NECAB1: variants seen among roughly 807,000 people sequenced by gnomAD.
The protein encoded by NECAB1 is N-terminal EF-hand calcium binding protein 1.
Under a neutral mutation model 57.5 loss-of-function variants are expected in NECAB1, and 29 were observed. The ratio of observed to expected loss-of-function variants is 0.50; its 90% CI spans 0.38 to 0.69. The LOEUF is 0.69. Among genes scored for constraint, NECAB1 ranks in the 30% least tolerant of loss-of-function variants. NECAB1 has a pLI of 0.00. For missense variants in NECAB1, 372 were observed against 413.8 expected (o/e 0.90, Z 0.88); for synonymous variants, 142 against 147.7 (o/e 0.96, Z 0.28).
chr8:90,893,503 A>G (rs577020540), intron 5 of NECAB1, among the ~76,000 whole-genome samples: 1 of 152,276 alleles, frequency 6.6e-6, no homozygotes, highest in South Asian at 2.1e-4. Context: ...GGCGACCACA[A>G]TCCAATTCTG....
At chr8:90,944,289 A>C (rs944755915) in intron 10 of NECAB1, among the ~76,000 whole-genome samples, 13 of 152,334 alleles carry the variant, frequency 8.5e-5, no homozygotes, top group Non-Finnish European at 1.8e-4. Flanking sequence ...TCTTAAATTC[A>C]GGCCACTGAA....
At chr8:90,903,345 T>C (rs1809554315) in intron 5 of NECAB1, among the ~76,000 whole-genome samples, 1 of 152,170 alleles carries the variant, frequency 6.6e-6, no homozygotes, top group South Asian at 2.1e-4. Flanking sequence ...AAGTTATTTA[T>C]ATTTTTAATT....
rs112635954 is a variant in NECAB1, at chr8:90,911,326, T to G, written c.358-6166T>G. ...TTTGGAAAGATTCTAGAAAACAAGA[T>G]GTTCTATAGGAGGATATGGCTCATA... is the stretch of plus-strand genomic sequence containing the variant. On this transcript the variant is annotated intron_variant, in intron 5 of 12. Transcript: ENST00000417640. 9.1e-3 allele frequency among the ~76,000 whole-genome samples: 1,385 copies of G among 152,166 alleles called. 20 individuals carry two copies. The highest frequency in any genetic ancestry group is 0.031 in the African/African-American group (1,298 of 41,526).
At chr8:90,829,184 G>T (rs959470165) in intron 3 of NECAB1, among the ~76,000 whole-genome samples, 2 of 151,998 alleles carry the variant, frequency 1.3e-5, no homozygotes. Context: ...AAATTTGTTT[G>T]TAAAAGAAAC....
At chr8:90,897,705 G>A (rs1809391903) in intron 5 of NECAB1, among the ~76,000 whole-genome samples, 1 of 152,176 alleles carries the variant, frequency 6.6e-6, no homozygotes, top group Admixed American at 6.5e-5. Context: ...AATATGCATA[G>A]ACAAGTGAAA....
At chr8:90,811,751 A>T (rs1402382208) in intron 2 of NECAB1, among the ~76,000 whole-genome samples, 1 of 152,126 alleles carries the variant, frequency 6.6e-6, no homozygotes, top group Non-Finnish European at 1.5e-5. Context: ...AGGCTTTCTT[A>T]TCAAGGTGGT....
In NECAB1 at chr8:90,792,001, G is replaced by T; in HGVS notation, c.99+16G>T. The T allele has an allele frequency of 6.5e-7, 1 of 1,548,010 alleles. No homozygotes were observed. Among genetic ancestry groups the T allele is most frequent in the Non-Finnish European group, 8.7e-7 (1 of 1,144,110 alleles). On this transcript the variant is annotated intron_variant, in intron 1 of 12. Transcript: ENST00000417640. ...CTTCCTCGACGTAAGTACAGATGGTGGGAGCTGGGCGGTTGCTTCCCAGCA... is the reference window on the plus strand; with the variant it reads ...CTTCCTCGACGTAAGTACAGATGGTTGGAGCTGGGCGGTTGCTTCCCAGCA...
At chr8:90,817,481 T>A (rs948673909) in intron 2 of NECAB1, among the ~76,000 whole-genome samples, 6 of 151,310 alleles carry the variant, frequency 4.0e-5, no homozygotes, top group African/African-American at 1.5e-4. Context: ...TTTTATCAAG[T>A]TGGAGAAGTT....
chr8:90,799,779 G>A (rs1045025931), intron 1 of NECAB1, among the ~76,000 whole-genome samples: 2 of 152,064 alleles, frequency 1.3e-5, no homozygotes, highest in East Asian at 3.8e-4. Flanking sequence ...AATTGCTTTG[G>A]CTATTCAGGC....
At chr8:90,861,096 G>T (rs777292524) in intron 3 of NECAB1, among the ~76,000 whole-genome samples, 1 of 152,156 alleles carries the variant, frequency 6.6e-6, no homozygotes, top group Non-Finnish European at 1.5e-5. Context: ...ATAACATTCG[G>T]TAACAGTCAA....
intron 2 of NECAB1, among the ~76,000 whole-genome samples, chr8:90,803,686 CA>C (rs1393853929): frequency 1.3e-5 from 2 of 152,150 alleles, no homozygotes; most frequent in East Asian, 3.9e-4. Flanking sequence ...AACATGCTGT[CA>C]AACTACCTGC....
chr8:90,940,545 G>T, intron 9 of NECAB1: 1 of 423,360 alleles, frequency 2.4e-6, no homozygotes, highest in Admixed American at 3.6e-5. Flanking sequence ...GCTTTTAAAG[G>T]GAAACACGTC....
chr8:90,857,460 ATT>A (rs1392527309), intron 3 of NECAB1, among the ~76,000 whole-genome samples: 1 of 152,182 alleles, frequency 6.6e-6, no homozygotes, highest in Non-Finnish European at 1.5e-5. Flanking sequence ...GGAACAAAGG[ATT>A]TTCCCTTGTG....
chr8:90,909,751 C>A (rs1809782440), intron 5 of NECAB1, among the ~76,000 whole-genome samples: 1 of 151,954 alleles, frequency 6.6e-6, no homozygotes, highest in Non-Finnish European at 1.5e-5. Flanking sequence ...TTTGTCAGTC[C>A]AGCAATTTTA....
At chr8:90,875,482 C>T (rs1228157992) in intron 4 of NECAB1, among the ~76,000 whole-genome samples, 7 of 92,008 alleles carry the variant, frequency 7.6e-5, no homozygotes, top group Admixed American at 4.1e-4. Context: ...AGCGAGACTC[C>T]GTCTCAAAAA....
chr8:90,861,437 T>G (rs1243391151), intron 3 of NECAB1, among the ~76,000 whole-genome samples: 3 of 152,224 alleles, frequency 2.0e-5, no homozygotes, highest in Admixed American at 2.0e-4. Flanking sequence ...TATCTTTACC[T>G]TGTCATATAT....
At chr8:90,935,465 T>G (rs1453210147) in intron 9 of NECAB1, among the ~76,000 whole-genome samples, 1 of 152,098 alleles carries the variant, frequency 6.6e-6, no homozygotes, top group Non-Finnish European at 1.5e-5. Flanking sequence ...GACCCCAACA[T>G]TTTAAAATGG....
rs1554576544 is a variant in NECAB1, at chr8:90,927,205, T to TC, written c.617-1018_617-1017insC. ...AATCAGCCCCTTTCTTTTCTCTCTCTTTTTTTTTTTTTTGTAGCCACTTCT... is the reference window on the plus strand; with the variant it reads ...AATCAGCCCCTTTCTTTTCTCTCTCTCTTTTTTTTTTTTTGTAGCCACTTCT... On this transcript the variant is annotated intron_variant, in intron 7 of 12. Coordinates refer to ENST00000417640, the MANE Select transcript of NECAB1 (RefSeq NM_022351.5). Among the ~76,000 whole-genome samples, 40 of 38,484 alleles carry TC rather than the reference T, an allele frequency of 1.0e-3. 1 individual carries two copies. The African/African-American group carries it at 0.012, about 11-fold the overall frequency. 25.2% of individuals were successfully genotyped at this position (38,484 alleles called of 152,430 possible).
At chr8:90,836,496 G>T (rs1012391490) in intron 3 of NECAB1, among the ~76,000 whole-genome samples, 1 of 152,148 alleles carries the variant, frequency 6.6e-6, no homozygotes, top group African/African-American at 2.4e-5. Context: ...AAAAATGGTA[G>T]TTTAGAATAA....
Sources: gnomAD v4.1 joint callset for allele counts (sites outside exome capture counted in the v4.1 genomes callset) on GRCh38, gnomAD v4.1.1 for gene constraint, MANE v1.5 for transcripts, NCBI Gene and HGNC (gene_info 2026-07-23, HGNC 2026-07-21) for gene names.